The following SPIRE1 variants were observed in gnomAD, a reference collection of about 807,000 sequenced individuals.
The protein encoded by SPIRE1 is spire type actin nucleation factor 1.
A neutral mutation model predicts 94.1 loss-of-function variants in SPIRE1; 40 were observed. That is an observed-to-expected ratio of 0.43 (90% CI 0.33 to 0.55). The LOEUF is 0.55. SPIRE1 is among the 20% of genes least tolerant of loss of function. SPIRE1 has a pLI of 0.06. For synonymous variants in SPIRE1, 376 were observed against 371.7 expected (o/e 1.01, Z -0.13); for missense variants, 838 against 975.2 (o/e 0.86, Z 1.87).
chr18:12,573,878 T>TA (rs1179382375), intron 2 of SPIRE1, among the ~76,000 whole-genome samples: 1 of 152,136 alleles, frequency 6.6e-6, no homozygotes, highest in African/African-American at 2.4e-5. Context: ...TAGCTGGGAC[T>TA]ACAGGTGCCT....
chr18:12,460,214 G>C (rs2031723836), intron 12 of SPIRE1, among the ~76,000 whole-genome samples: 2 of 152,192 alleles, frequency 1.3e-5, no homozygotes, highest in African/African-American at 4.8e-5. Flanking sequence ...GGCTTGTTGT[G>C]ATGAAGGATA....
At chr18:12,544,744 G>A (rs2035112601) in intron 3 of SPIRE1, among the ~76,000 whole-genome samples, 1 of 152,116 alleles carries the variant, frequency 6.6e-6, no homozygotes. Context: ...AAAATAAAAG[G>A]TATCCATTCA....
chr18:12,656,151 G>A (rs774742444), intron 1 of SPIRE1, among the ~76,000 whole-genome samples: 4 of 152,102 alleles, frequency 2.6e-5, no homozygotes, highest in East Asian at 1.9e-4. Flanking sequence ...CACCTGCCTC[G>A]GCATCCCAAA....
chr18:12,509,568 T>C (rs1162184550), intron 5 of SPIRE1, among the ~76,000 whole-genome samples: 1 of 152,214 alleles, frequency 6.6e-6, no homozygotes, highest in East Asian at 1.9e-4. Flanking sequence ...TGTAGGCAAG[T>C]ATTTTTGTTT....
rs1442607116 is a variant in SPIRE1 at position 12,464,889 on chromosome 18, C to G, written c.1474G>C (p.Glu492Gln). Residue 492 changes from glutamate (E) to glutamine (Q), a missense_variant, in exon 11 of 17, where the codon GAG (glutamate) becomes CAG (glutamine). Physicochemically the swap from Glu to Gln is conservative, Grantham distance 29. This residue lies in a region of SPIRE1 where 645 missense variants were observed against 804.7 expected (regional missense o/e 0.80). Transcript: ENST00000409402. ...SPSFPEEPVL[E>Q]AVSTRKKPPK... ...TCACTCTTCCTTGTGGACACGGCCT[C>G]CAGGACTGGCTCTTCAGGGAAAGAG... 6.2e-7 allele frequency: 1 copy of G among 1,613,894 alleles called. No individual in the cohort carries two copies. The highest frequency in any genetic ancestry group is 1.3e-5 in the African/African-American group (1 of 74,896).
At chr18:12,450,398 T>C in intron 16 of SPIRE1, 1 of 408,126 alleles carries the variant, frequency 2.5e-6, no homozygotes, top group South Asian at 6.0e-5. Flanking sequence ...GCAGAAAACA[T>C]GTCTTATTAA....
chr18:12,457,186 T>A (rs924757618), intron 12 of SPIRE1, among the ~76,000 whole-genome samples: 8 of 152,210 alleles, frequency 5.3e-5, no homozygotes, highest in African/African-American at 1.9e-4. Context: ...TGTTCTTTTT[T>A]AAAAATTTTC....
upstream of SPIRE1, chr18:12,658,165 C>T: frequency 1.1e-6 from 1 of 903,736 alleles, no homozygotes; most frequent in Non-Finnish European, 1.4e-6. Context: ...AGCGCCCGCC[C>T]CTTAGGGGGC....
intron 1 of SPIRE1, among the ~76,000 whole-genome samples, chr18:12,650,402 G>A (rs147132114): frequency 2.0e-4 from 30 of 152,008 alleles, no homozygotes; most frequent in African/African-American, 6.3e-4. Context: ...TCTAAAAAAC[G>A]ATATAAAAAT....
chr18:12,497,066 G>A lies in SPIRE1; in HGVS notation c.973-964C>T, dbSNP rs576494477. ...CTAGGCAACAGAGCAAGACTCTGTC[G>A]CAAAACAACAACAACAACAAAACAA... On this transcript the variant is annotated intron_variant, in intron 6 of 16. Transcript: ENST00000409402. Among the ~76,000 whole-genome samples, 4 of 151,566 alleles carry A rather than the reference G, an allele frequency of 2.6e-5. No homozygotes were observed. In the South Asian group the frequency reaches 6.3e-4, roughly 24 times the overall value.
intron 16 of SPIRE1, 57 bp from the exon 17 acceptor site, chr18:12,449,953 T>G (rs1396257646): frequency 5.2e-6 from 8 of 1,538,968 alleles, no homozygotes; most frequent in African/African-American, 1.4e-5. Flanking sequence ...TGCTGCAATA[T>G]TAAGAAAATA....
At chr18:12,480,016 G>T in intron 9 of SPIRE1, 145 bp from the exon 10 acceptor site, 1 of 589,506 alleles carries the variant, frequency 1.7e-6, no homozygotes, top group Non-Finnish European at 2.8e-6. Context: ...ACTTCTTCTG[G>T]TTGGATATTA....
chr18:12,545,332 A>G (rs1296915769), intron 3 of SPIRE1, among the ~76,000 whole-genome samples: 1 of 152,214 alleles, frequency 6.6e-6, no homozygotes, highest in African/African-American at 2.4e-5. Context: ...TCTGAATTTC[A>G]TAAGAATAAT....
intron 3 of SPIRE1, among the ~76,000 whole-genome samples, chr18:12,543,458 T>C (rs1269483022): frequency 6.6e-6 from 1 of 152,186 alleles, no homozygotes; most frequent in Non-Finnish European, 1.5e-5. Flanking sequence ...ATTCTAGATT[T>C]AATGTTAGAA....
rs143668346 is a variant in SPIRE1, at chr18:12,543,074, C to A, written c.603+3600G>T. ...AACTCCTGACCTCAAATGATCCGCC[C>A]GTCTCGGCCTCCCAAAGTGCTGGGA... On this transcript the variant is annotated intron_variant, in intron 3 of 16. Coordinates refer to ENST00000409402, the MANE Select transcript of SPIRE1 (RefSeq NM_001128626.2). Among the ~76,000 whole-genome samples the A allele has an allele frequency of 3.3e-5, 5 of 152,114 alleles. No individual in the cohort carries two copies. In the East Asian group the frequency reaches 9.7e-4, roughly 29 times the overall value.
intron 2 of SPIRE1, among the ~76,000 whole-genome samples, chr18:12,617,033 T>G (rs1184586807): frequency 1.3e-5 from 2 of 151,362 alleles, no homozygotes; most frequent in African/African-American, 4.9e-5. Context: ...CTAACTTTTG[T>G]ATTTTTAGTA....
chr18:12,523,309 A>G (rs2034415535), intron 4 of SPIRE1, among the ~76,000 whole-genome samples: 1 of 152,346 alleles, frequency 6.6e-6, no homozygotes, highest in Admixed American at 6.5e-5. Flanking sequence ...GTTGTTTCTT[A>G]TGGATGAGCA....
chr18:12,575,385 A>G (rs964766577), intron 2 of SPIRE1, among the ~76,000 whole-genome samples: 2 of 152,006 alleles, frequency 1.3e-5, no homozygotes, highest in Non-Finnish European at 2.9e-5. Flanking sequence ...ATTTATTTAG[A>G]CACAGGATCT....
chr18:12,528,760 A>C (rs1166113357), intron 4 of SPIRE1, among the ~76,000 whole-genome samples: 1 of 152,244 alleles, frequency 6.6e-6, no homozygotes, highest in African/African-American at 2.4e-5. Context: ...TAAGGTAGAC[A>C]CAGTGAGAAC....
Sources: gnomAD v4.1 joint callset for allele counts (sites outside exome capture counted in the v4.1 genomes callset) on GRCh38, gnomAD v4.1.1 for gene constraint, gnomAD v4.1.1 regional missense constraint, MANE v1.5 for transcripts, NCBI Gene and HGNC (gene_info 2026-07-23, HGNC 2026-07-21) for gene names.